The following EML1 variants were observed in gnomAD, a reference collection of about 807,000 sequenced individuals.
EML1 encodes the protein echinoderm microtubule-associated protein-like 1.
In EML1, 27 loss-of-function variants were observed where a neutral mutation model predicts 110.4. That is an observed-to-expected ratio of 0.24 (90% CI 0.18 to 0.34). The LOEUF is 0.34. Among genes scored for constraint, EML1 ranks in the 10% least tolerant of loss-of-function variants. The probability of loss-of-function intolerance (pLI) is 1.00; values close to 1 mark genes in which losing one functional copy is unlikely to be tolerated. For synonymous variants in EML1, 344 were observed against 385.8 expected, an observed-to-expected ratio of 0.89 and a Z score of 1.27; for missense variants, 741 against 1,030.9, an observed-to-expected ratio of 0.72 and a Z score of 3.85.
At chr14:99,844,206 C>T (rs939149608) in intron 1 of EML1, among the ~76,000 whole-genome samples, 5 of 152,144 alleles carry the variant, frequency 3.3e-5, no homozygotes, top group African/African-American at 4.8e-5. Flanking sequence ...CCAGGCCAGG[C>T]GCAGTGGCTC....
intron 4 of EML1, among the ~76,000 whole-genome samples, chr14:99,881,591 ATTCTTT>A (rs1268550924): frequency 1.4e-5 from 2 of 143,904 alleles, no homozygotes; most frequent in Admixed American, 7.4e-5. Flanking sequence ...ATAAAACTAT[ATTCTTT>A]TTCTTTTTCC....
chr14:99,839,421 C>T (rs1013044295), intron 1 of EML1, among the ~76,000 whole-genome samples: 12 of 152,122 alleles, frequency 7.9e-5, no homozygotes, highest in Non-Finnish European at 1.5e-4. Context: ...TCGCATTGCC[C>T]GGCACTAGGT....
chr14:99,805,038 T>TCCC (rs2057946422), intron 1 of EML1, among the ~76,000 whole-genome samples: 1 of 152,134 alleles, frequency 6.6e-6, no homozygotes, highest in African/African-American at 2.4e-5. Flanking sequence ...GCAGCGTCCC[T>TCCC]TCCTACCCCT....
chr14:99,755,390 C>T (rs1284323499), intron 1 of EML1, among the ~76,000 whole-genome samples: 3 of 152,218 alleles, frequency 2.0e-5, no homozygotes, highest in Non-Finnish European at 4.4e-5. Flanking sequence ...AAGCTTATAT[C>T]TCAGGTCCCA....
Position 99,781,805 on chromosome 14 carries a change from G to C in EML1, c.-27+7792G>C, listed in dbSNP as rs1316441485. On this transcript the variant is annotated intron_variant, in intron 1 of 22. Transcript: ENST00000327921. The surrounding 1 kb of genome is among the most constrained non-coding windows in gnomAD (Gnocchi z 4.2). ...TCTCATCAGTTTCCAGACATACTGAGTATGCATTTCTAGCCTCTTTCCCGC... is the reference window on the plus strand; with the variant it reads ...TCTCATCAGTTTCCAGACATACTGACTATGCATTTCTAGCCTCTTTCCCGC... Among the ~76,000 whole-genome samples the C allele has an allele frequency of 1.3e-5, 2 of 152,112 alleles. No homozygotes were observed. The highest frequency in any genetic ancestry group is 2.9e-5 in the Non-Finnish European group (2 of 68,008).
rs766267449 is a variant in EML1 at position 99,940,160 on chromosome 14, C to G, written c.*48C>G. 1 of 1,445,114 alleles carries G rather than the reference C, an allele frequency of 6.9e-7. No homozygotes were observed. Among genetic ancestry groups the G allele is most frequent in the Non-Finnish European group, 9.1e-7 (1 of 1,095,132 alleles). The allele number at this position is 1,445,114 out of a possible 1,614,324, so 89.5% of individuals were successfully genotyped here. On this transcript the variant is annotated 3_prime_UTR_variant, in exon 22 of 22. Transcript: ENST00000262233. Reference sequence around the variant, plus strand: ...GCAGCATGGGCAAGGAAGACACAGACTCGCATTACCCTTGGTCACTGTGAT... The same window carrying G: ...GCAGCATGGGCAAGGAAGACACAGAGTCGCATTACCCTTGGTCACTGTGAT...
chr14:99,926,910 A>AT (rs1394071068), intron 17 of EML1, among the ~76,000 whole-genome samples: 8 of 151,766 alleles, frequency 5.3e-5, no homozygotes, highest in African/African-American at 1.9e-4. Context: ...TACCTGGCTA[A>AT]TTTTTTGTAT....
intron 1 of EML1, among the ~76,000 whole-genome samples, chr14:99,835,485 C>T (rs1352834034): frequency 6.6e-6 from 1 of 152,044 alleles, no homozygotes; most frequent in African/African-American, 2.4e-5. Context: ...TATATTGCTT[C>T]GTTTTTTTCT....
chr14:99,755,959 G>A (rs369091010), intron 1 of EML1, among the ~76,000 whole-genome samples: 50 of 152,184 alleles, frequency 3.3e-4, no homozygotes, highest in African/African-American at 1.1e-3. Context: ...CAAGGAACCC[G>A]CCCAGGGTCC....
In EML1 at chr14:99,908,164, CG is replaced by C. The variant is rs575510892; in HGVS notation, c.1104+436del. On this transcript the variant is annotated intron_variant, in intron 10 of 21. Transcript: ENST00000262233. ...CAGGTATGGGCAGGGGCCGCCAGCA[CG>C]GGGGCTCCTCCAAAGTGGCACAGAC... Among the ~76,000 whole-genome samples the C allele has an allele frequency of 7.2e-5, 11 of 152,342 alleles. No homozygotes were observed. The East Asian group carries it at 2.1e-3, about 29-fold the overall frequency.
At chr14:99,830,343 T>C (rs912845199) in intron 1 of EML1, among the ~76,000 whole-genome samples, 2 of 152,178 alleles carry the variant, frequency 1.3e-5, no homozygotes, top group Non-Finnish European at 2.9e-5. Context: ...TTGGGTTGTT[T>C]ATCTTTTTGT....
At chr14:99,785,408 C>T (rs1204407871) in intron 1 of EML1, among the ~76,000 whole-genome samples, 1 of 152,198 alleles carries the variant, frequency 6.6e-6, no homozygotes, top group African/African-American at 2.4e-5. Context: ...ATAGAAGAAA[C>T]ATCCCTGGGG....
In EML1 at chr14:99,939,366, G is replaced by A. The variant is rs2060536446; in HGVS notation, c.2322+39G>A. 6.2e-7 allele frequency: 1 copy of A among 1,611,460 alleles called. No individual in the cohort carries two copies. The highest frequency in any genetic ancestry group is 1.3e-5 in the African/African-American group (1 of 74,854). On this transcript the variant is annotated intron_variant, in intron 21 of 21. Coordinates refer to ENST00000262233, the MANE Select transcript of EML1 (RefSeq NM_004434.3). This position sits in a 1 kb window ranked among gnomAD's most constrained non-coding sequence, Gnocchi z 4.2. ...TTCTTCACTAATCTTATCCCCCATG[G>A]GGCATGCACGTACACCCGACCTGTT... is the stretch of plus-strand genomic sequence containing the variant.
At chr14:99,860,267 AT>A (rs933188138) in intron 2 of EML1, among the ~76,000 whole-genome samples, 18 of 150,940 alleles carry the variant, frequency 1.2e-4, no homozygotes, top group South Asian at 2.1e-4. Flanking sequence ...GAAAAAGTTA[AT>A]TTTTTTTTTA....
rs1026483498 is a variant in EML1, at chr14:99,904,310, A to G, written c.1008+3271A>G. Among the ~76,000 whole-genome samples, 8 of 152,164 alleles carry G rather than the reference A, an allele frequency of 5.3e-5. No homozygotes were observed. In the South Asian group the frequency reaches 6.2e-4, roughly 12 times the overall value. ...ATTAATTTCTCTCAAACTTTCGACA[A>G]CTTGCTTAAACTTTGAGCTTTATTC... On this transcript the variant is annotated intron_variant, in intron 9 of 21. Coordinates refer to ENST00000262233, the MANE Select transcript of EML1 (RefSeq NM_004434.3).
chr14:99,786,061 CAAAAAAAAAA>C (rs56240053), intron 1 of EML1, among the ~76,000 whole-genome samples: 1 of 120,404 alleles, frequency 8.3e-6, no homozygotes, highest in South Asian at 3.0e-4. Context: ...CCTGGCTGCT[CAAAAAAAAAA>C]AAAAAAAAAA....
intron 3 of EML1, among the ~76,000 whole-genome samples, chr14:99,873,647 TAGAA>T (rs1323989055): frequency 5.3e-5 from 8 of 152,228 alleles, no homozygotes; most frequent in Admixed American, 5.2e-4. Flanking sequence ...CTTTGTATTG[TAGAA>T]AGAAAGACTT....
chr14:99,806,940 C>CT (rs1223591387), intron 1 of EML1, among the ~76,000 whole-genome samples: 5 of 152,120 alleles, frequency 3.3e-5, no homozygotes, highest in African/African-American at 1.2e-4. Context: ...AGCTAAGAAT[C>CT]TAAGAAGAGA....
chr14:99,859,997 G>C (rs1481881985), intron 2 of EML1, among the ~76,000 whole-genome samples: 1 of 152,074 alleles, frequency 6.6e-6, no homozygotes, highest in Admixed American at 6.6e-5. Flanking sequence ...CTGCAAGGTG[G>C]GTGGGCACTC....
Sources: allele counts gnomAD v4.1 joint callset (sites outside exome capture counted in the v4.1 genomes callset), GRCh38; gene constraint gnomAD v4.1.1; non-coding constraint Gnocchi (gnomAD v3.1); transcripts MANE v1.5; gene names NCBI Gene and HGNC (gene_info 2026-07-23, HGNC 2026-07-21).